Variants in SLC4A4 observed in about 807,000 individuals in gnomAD.
SLC4A4 encodes solute carrier family 4 member 4, also known as electrogenic sodium bicarbonate cotransporter 1.
A neutral mutation model predicts 111.5 loss-of-function variants in SLC4A4; 27 were observed. The ratio of observed to expected loss-of-function variants is 0.24; its 90% confidence interval spans 0.18 to 0.33. SLC4A4 has a LOEUF of 0.33. SLC4A4 is among the 10% of genes least tolerant of loss of function. SLC4A4 has a pLI of 1.00. For missense variants in SLC4A4, 909 were observed against 1,315.5 expected (o/e 0.69, Z 4.78); for synonymous variants, 443 against 463.4 (o/e 0.96, Z 0.57).
chr4:71,482,484 T>G (rs1486937337), intron 14 of SLC4A4, among the ~76,000 whole-genome samples: 1 of 151,618 alleles, frequency 6.6e-6, no homozygotes, highest in Non-Finnish European at 1.5e-5. Context: ...GCAATCCTAT[T>G]TTAGTACACC....
chr4:71,377,588 A>G (rs1489954677), intron 6 of SLC4A4, among the ~76,000 whole-genome samples: 1 of 152,158 alleles, frequency 6.6e-6, no homozygotes, highest in Non-Finnish European at 1.5e-5. Context: ...TGTGTGGCCT[A>G]ACAACACAGA....
At chr4:71,443,298 C>G (rs983389944) in intron 8 of SLC4A4, among the ~76,000 whole-genome samples, 1 of 151,300 alleles carries the variant, frequency 6.6e-6, no homozygotes, top group Non-Finnish European at 1.5e-5. Context: ...TAACAGGCAC[C>G]TGCCACCACA....
chr4:71,336,744 A>G (rs1728462772), intron 3 of SLC4A4, among the ~76,000 whole-genome samples: 2 of 152,228 alleles, frequency 1.3e-5, no homozygotes, highest in South Asian at 4.1e-4. Flanking sequence ...CCTTTTCATT[A>G]CAATCACTTT....
chr4:71,087,388 TTG>T (rs1251175056), intron 1 of SLC4A4, among the ~76,000 whole-genome samples: 5 of 152,054 alleles, frequency 3.3e-5, no homozygotes, highest in African/African-American at 1.2e-4. Context: ...GAAGGGTTTT[TTG>T]TGTCTCTATC....
At chr4:71,396,158 G>A (rs1375923836) in intron 6 of SLC4A4, among the ~76,000 whole-genome samples, 1 of 152,114 alleles carries the variant, frequency 6.6e-6, no homozygotes, top group African/African-American at 2.4e-5. Flanking sequence ...TGCACATAAA[G>A]CACATTTTCA....
At position 71,324,642 on chromosome 4, in the gene SLC4A4, C is replaced by T. The variant is rs929281210; in HGVS notation, c.254-14728C>T. ...TTTGGCAGAAGTTAGGAAAGAACTA[C>T]ACAGAATAAGTTATAGAATACAAGG... On this transcript the variant is annotated intron_variant, in intron 3 of 25. Transcript: ENST00000264485. Among the ~76,000 whole-genome samples the T allele has an allele frequency of 2.0e-5, 3 of 151,994 alleles. No homozygotes were observed. The South Asian group carries it at 6.2e-4, about 31-fold the overall frequency.
intron 2 of SLC4A4, among the ~76,000 whole-genome samples, chr4:71,116,220 C>T (rs919360198): frequency 6.6e-6 from 1 of 152,146 alleles, no homozygotes; most frequent in Non-Finnish European, 1.5e-5. Context: ...TATTAATAAA[C>T]CAAACAATCC....
intron 7 of SLC4A4, among the ~76,000 whole-genome samples, chr4:71,403,898 C>T (rs1720601879): frequency 6.6e-6 from 1 of 151,946 alleles, no homozygotes; most frequent in African/African-American, 2.4e-5. Flanking sequence ...ATGAATATCC[C>T]AGTGCATTAA....
chr4:71,182,738 ACACACT>A (rs141186498), upstream of SLC4A4, among the ~76,000 whole-genome samples: 9,499 of 151,052 alleles, frequency 0.063, 271 homozygotes, highest in East Asian at 0.089. Context: ...ACACACACAC[ACACACT>A]CTCTCTCACA....
chr4:71,238,622 C>T (rs1719967757), intron 2 of SLC4A4, among the ~76,000 whole-genome samples: 1 of 152,116 alleles, frequency 6.6e-6, no homozygotes, highest in Non-Finnish European at 1.5e-5. Flanking sequence ...CAGATAGTTG[C>T]CGGTTGCTGA....
chr4:71,510,410 G>A (rs1283327886), intron 16 of SLC4A4, among the ~76,000 whole-genome samples: 3 of 152,094 alleles, frequency 2.0e-5, no homozygotes, highest in Middle Eastern at 3.2e-3. Flanking sequence ...TGAGTGCCAG[G>A]CAATTCTAGT....
chr4:71,558,941 C>G (rs770308861), intron 22 of SLC4A4, among the ~76,000 whole-genome samples: 7 of 151,566 alleles, frequency 4.6e-5, no homozygotes, highest in Non-Finnish European at 7.4e-5. Context: ...GTGTTATCTG[C>G]CTACCTACAA....
At position 71,079,882 on chromosome 4, in the gene SLC4A4, C is replaced by T. The variant is rs575021892; in HGVS notation, c.-64-12848C>T. On this transcript the variant is annotated intron_variant, in intron 1 of 26. Transcript: ENST00000649996. ...CTGGAGACAGACTCCCCTGTGAGTG[C>T]GGTTTAAGTGTATGCTGAAAGCAGT... Among the ~76,000 whole-genome samples the T allele has an allele frequency of 5.3e-5, 8 of 150,904 alleles. No homozygotes were observed. In the South Asian group the frequency reaches 1.2e-3, roughly 24 times the overall value.
chr4:71,460,503 C>T (rs1488952058), intron 12 of SLC4A4, among the ~76,000 whole-genome samples: 1 of 152,136 alleles, frequency 6.6e-6, no homozygotes, highest in East Asian at 1.9e-4. Context: ...CAAGTCTTGC[C>T]TCTTTTTCAT....
chr4:71,497,575 G>A lies in SLC4A4; in HGVS notation c.2049G>A (p.Gly683=), dbSNP rs1176881710. 6.2e-7 allele frequency: 1 copy of A among 1,613,382 alleles called. No homozygotes were observed. Among genetic ancestry groups the A allele is most frequent in the Non-Finnish European group, 8.5e-7 (1 of 1,179,746 alleles). The change falls in exon 16 of 26, where the codon GGG becomes GGA. Residue 683 remains glycine (G), a synonymous_variant. Transcript: ENST00000264485. ...ECSKYGGNLV[G]NNCNFVPDIT... The stretch of plus-strand genomic sequence containing the variant: ...CAAAATACGGAGGAAACCTCGTCGG[G>A]AACAACTGTAATTTTGTTCCTGATA...
At chr4:71,268,580 C>G (rs1476789195) in intron 3 of SLC4A4, among the ~76,000 whole-genome samples, 1 of 152,154 alleles carries the variant, frequency 6.6e-6, no homozygotes, top group Non-Finnish European at 1.5e-5. Flanking sequence ...AATTTTGAAA[C>G]CTTTATTACT....
intron 7 of SLC4A4, among the ~76,000 whole-genome samples, chr4:71,398,613 TA>T (rs886256750): frequency 2.6e-5 from 4 of 152,110 alleles, no homozygotes; most frequent in South Asian, 2.1e-4. Flanking sequence ...GCAATATATT[TA>T]AAAAAATCAT....
rs1729897061 is a variant in SLC4A4 at position 71,491,415 on chromosome 4, A to C, written c.1974+4397A>C. Among the ~76,000 whole-genome samples the C allele has an allele frequency of 1.3e-5, 2 of 151,984 alleles. 1 individual carries two copies. Among genetic ancestry groups the C allele is most frequent in the South Asian group, 4.1e-4 (2 of 4,830 alleles). The stretch of plus-strand genomic sequence containing the variant: ...ATGAAAAAAAGAGAAATTGACTCTC[A>C]GGCTACTGCCTATGTGGAGTTTGCA... On this transcript the variant is annotated intron_variant, in intron 15 of 25. Coordinates refer to ENST00000264485, the MANE Select transcript of SLC4A4 (RefSeq NM_001098484.3).
At chr4:71,183,667 T>C (rs924675932), upstream of SLC4A4, among the ~76,000 whole-genome samples, 1 of 152,192 alleles carries the variant, frequency 6.6e-6, no homozygotes, top group African/African-American at 2.4e-5. Context: ...TCTTACACAA[T>C]GAAGTGGTTA....
Sources: gnomAD v4.1 joint callset for allele counts (sites outside exome capture counted in the v4.1 genomes callset) on GRCh38, gnomAD v4.1.1 for gene constraint, MANE v1.5 for transcripts, NCBI Gene and HGNC (gene_info 2026-07-23, HGNC 2026-07-21) for gene names.